The following STK32B variants were observed in gnomAD, a reference collection of about 807,000 sequenced individuals.
The protein encoded by STK32B is serine/threonine kinase 32B.
Under a neutral mutation model 52.6 loss-of-function variants are expected in STK32B, and 43 were observed. That is an observed-to-expected ratio of 0.82 (90% confidence interval 0.64 to 1.05). The LOEUF (loss-of-function observed/expected upper bound fraction) is 1.05, where lower values mean the gene tolerates loss of function less well. STK32B is among the 50% of genes least tolerant of loss of function. STK32B has a pLI of 0.00. For synonymous variants in STK32B, 238 were observed against 204.3 expected, an observed-to-expected ratio of 1.17 and a Z score of -1.41; for missense variants, 621 against 534.6, an observed-to-expected ratio of 1.16 and a Z score of -1.59.
At chr4:5,091,812 A>G (rs891542532) in intron 1 of STK32B, among the ~76,000 whole-genome samples, 2 of 152,362 alleles carry the variant, frequency 1.3e-5, no homozygotes, top group South Asian at 2.1e-4. Flanking sequence ...ATGTTGATCA[A>G]CTGATGAATG....
chr4:5,496,528 C>T (rs531028227), intron 11 of STK32B, among the ~76,000 whole-genome samples: 5 of 149,968 alleles, frequency 3.3e-5, no homozygotes, highest in African/African-American at 5.1e-5. Context: ...TTGCGCTTCC[C>T]GAGTGAGGCA....
At chr4:5,194,566 G>A (rs1038669399) in intron 3 of STK32B, among the ~76,000 whole-genome samples, 15 of 152,180 alleles carry the variant, frequency 9.9e-5, no homozygotes, top group African/African-American at 2.2e-4. Context: ...ACTTCAATGC[G>A]TCGATCTTAG....
chr4:5,060,730 T>C (rs1463172359), intron 1 of STK32B, among the ~76,000 whole-genome samples: 1 of 152,228 alleles, frequency 6.6e-6, no homozygotes, highest in Non-Finnish European at 1.5e-5. Flanking sequence ...TTTGTACTTG[T>C]CTGAAAATGT....
intron 3 of STK32B, among the ~76,000 whole-genome samples, chr4:5,217,773 T>C (rs1474223029): frequency 6.6e-6 from 1 of 152,154 alleles, no homozygotes; most frequent in Non-Finnish European, 1.5e-5. Context: ...GGAGGAGGAC[T>C]TGGGGATTTC....
At chr4:5,412,668 A>G (rs967925365) in intron 5 of STK32B, among the ~76,000 whole-genome samples, 1 of 152,200 alleles carries the variant, frequency 6.6e-6, no homozygotes, top group Non-Finnish European at 1.5e-5. Flanking sequence ...CTGTAAAGAC[A>G]AGGTTAGTAA....
At chr4:5,286,511 A>C (rs1031473341) in intron 3 of STK32B, among the ~76,000 whole-genome samples, 2 of 152,150 alleles carry the variant, frequency 1.3e-5, no homozygotes, top group Non-Finnish European at 2.9e-5. Flanking sequence ...TTTAATGTTA[A>C]AACTTAGTTG....
intron 11 of STK32B, among the ~76,000 whole-genome samples, chr4:5,495,635 G>A (rs1720165434): frequency 6.6e-6 from 1 of 152,152 alleles, no homozygotes; most frequent in Admixed American, 6.5e-5. Flanking sequence ...GCATTCCTTT[G>A]GAGGAGGAGA....
chr4:5,489,805 A>G (rs1408923655), intron 11 of STK32B, among the ~76,000 whole-genome samples: 2 of 152,092 alleles, frequency 1.3e-5, no homozygotes, highest in Non-Finnish European at 2.9e-5. Flanking sequence ...ATTACTGTAT[A>G]TTTTATATGA....
chr4:5,479,755 C>A (rs1405886170), intron 11 of STK32B, among the ~76,000 whole-genome samples: 1 of 152,162 alleles, frequency 6.6e-6, no homozygotes, highest in Admixed American at 6.6e-5. Context: ...TCAATATCCA[C>A]CCCCCATTTC....
At chr4:5,406,343 G>A (rs918727962) in intron 5 of STK32B, among the ~76,000 whole-genome samples, 11 of 152,142 alleles carry the variant, frequency 7.2e-5, no homozygotes, top group African/African-American at 2.4e-4. Context: ...CTAGGTGCAC[G>A]GTGCAAGCTG....
intron 3 of STK32B, among the ~76,000 whole-genome samples, chr4:5,309,276 T>C (rs925304561): frequency 6.6e-6 from 1 of 152,218 alleles, no homozygotes; most frequent in Admixed American, 6.5e-5. Context: ...CTCATGTTCA[T>C]GGATTAGAAG....
At chr4:5,153,763 T>G (rs1023265403) in intron 2 of STK32B, among the ~76,000 whole-genome samples, 5 of 152,186 alleles carry the variant, frequency 3.3e-5, no homozygotes, top group Non-Finnish European at 5.9e-5. Flanking sequence ...CACAGACTTA[T>G]GTTTTTTCTA....
chr4:5,193,532 C>T (rs574682746), intron 3 of STK32B, among the ~76,000 whole-genome samples: 1 of 152,226 alleles, frequency 6.6e-6, no homozygotes, highest in African/African-American at 2.4e-5. Flanking sequence ...CTGCGTCATG[C>T]AGCCTGCAGA....
chr4:5,098,879 T>G lies in STK32B; in HGVS notation c.53-41026T>G, dbSNP rs141181131. Among the ~76,000 whole-genome samples the G allele has an allele frequency of 6.3e-3, 957 of 152,360 alleles. 12 individuals are homozygous for G. Among genetic ancestry groups the G allele is most frequent in the African/African-American group, 0.022 (919 of 41,588 alleles). ...AGATGCTATCAGATTCAGCATCTAT[T>G]GGAATATGTTGAGCACTACTGTATG... On this transcript the variant is annotated intron_variant, in intron 1 of 11. Transcript: ENST00000282908.
intron 2 of STK32B, among the ~76,000 whole-genome samples, chr4:5,163,361 G>A (rs1315609491): frequency 6.6e-6 from 1 of 152,160 alleles, no homozygotes; most frequent in Non-Finnish European, 1.5e-5. Flanking sequence ...GTAGAAACAG[G>A]ATTTATGGCA....
At chr4:5,471,588 T>G (rs1008590253) in intron 11 of STK32B, among the ~76,000 whole-genome samples, 11 of 152,250 alleles carry the variant, frequency 7.2e-5, no homozygotes, top group Non-Finnish European at 1.3e-4. Context: ...TGGTGGTAAC[T>G]TAGTTACGGC....
At chr4:5,428,301 G>A (rs748274874) in intron 6 of STK32B, among the ~76,000 whole-genome samples, 1 of 151,952 alleles carries the variant, frequency 6.6e-6, no homozygotes, top group Non-Finnish European at 1.5e-5. Flanking sequence ...CCAACTACTC[G>A]GGAGGCTGAG....
chr4:5,458,039 G>C (rs1273379412), intron 8 of STK32B, among the ~76,000 whole-genome samples: 1 of 152,108 alleles, frequency 6.6e-6, no homozygotes, highest in East Asian at 1.9e-4. Context: ...TAAAGCAGTG[G>C]TTCCCAAGGT....
intron 3 of STK32B, among the ~76,000 whole-genome samples, chr4:5,267,374 C>T (rs1282883853): frequency 1.3e-5 from 2 of 152,122 alleles, no homozygotes; most frequent in Admixed American, 6.5e-5. Context: ...CCTGCCCCTC[C>T]CCGCTTTCCC....
Sources: allele counts gnomAD v4.1 joint callset (sites outside exome capture counted in the v4.1 genomes callset), GRCh38; gene constraint gnomAD v4.1.1; transcripts MANE v1.5; gene names NCBI Gene and HGNC (gene_info 2026-07-23, HGNC 2026-07-21).